Variants in ABCA10 observed in about 807,000 individuals in gnomAD.
The protein encoded by ABCA10 is ATP binding cassette subfamily A member 10.
Under a neutral mutation model 187.5 loss-of-function variants are expected in ABCA10, and 169 were observed. The ratio of observed to expected loss-of-function variants is 0.90; its 90% CI spans 0.80 to 1.02. ABCA10 has a LOEUF of 1.02. Ranked by LOEUF, ABCA10 falls within the 50% of genes least tolerant of loss-of-function variation. ABCA10 has a pLI of 0.00. For missense variants in ABCA10, 1,727 were observed against 1,812.4 expected, an observed-to-expected ratio of 0.95 and a Z score of 0.86; for synonymous variants, 574 against 601.8, an observed-to-expected ratio of 0.95 and a Z score of 0.68.
Position 69,227,165 on chromosome 17 carries a change from C to T in ABCA10, c.-192G>A, listed in dbSNP as rs2074801367. On this transcript the variant is annotated 5_prime_UTR_variant, in exon 2 of 39. Transcript: ENST00000690296. Reference sequence around the variant, plus strand: ...CATACCAATAAACTCTCTTTTTATTCTCCATTTTTTAAGAAAATTCTTGTA... The same window carrying T: ...CATACCAATAAACTCTCTTTTTATTTTCCATTTTTTAAGAAAATTCTTGTA... 7.0e-6 allele frequency: 1 copy of T among 142,068 alleles called. No homozygotes were observed. Among genetic ancestry groups the T allele is most frequent in the Admixed American group, 7.1e-5 (1 of 14,030 alleles). 8.8% of individuals were successfully genotyped at this position (142,068 alleles called of 1,614,324 possible). A position where few individuals can be genotyped will look rare whatever the true frequency, so the allele number is the denominator to read the frequency against.
chr17:69,174,689 A>T lies in ABCA10; in HGVS notation c.2966T>A (p.Phe989Tyr), dbSNP rs760203838. 1 of 1,611,972 alleles carries T rather than the reference A, an allele frequency of 6.2e-7. No homozygotes were observed. The highest frequency in any genetic ancestry group is 1.7e-5 in the Admixed American group (1 of 59,868). The stretch of plus-strand genomic sequence containing the variant: ...TAAATGTATTGAAAAGAGAATCAAG[A>T]AGTATAATGGAATGTCCACCAGAGC... ...GQALVDIPLY[F>Y]LILFSIHLIY... The change falls in exon 24 of 39, where the codon TTC (phenylalanine) becomes TAC (tyrosine). Residue 989 changes from phenylalanine to tyrosine, a missense_variant. Transcript: ENST00000690296.
rs1422744395 is a variant in ABCA10 at position 69,221,873 on chromosome 17, A to T, written c.222T>A (p.Gly74=). Residue 74 remains glycine (G), a synonymous_variant, in exon 5 of 39, where the codon GGT becomes GGA. Coordinates refer to ENST00000690296, the MANE Select transcript of ABCA10 (RefSeq NM_001377321.1). ...EYTEHCWAMH[G]EIFCYLAKYW... is the part of the protein sequence containing the mutation. ...ACTTTGCCAAGTAACAAAAAATTTC[A>T]CCATGCATGGCCCAACAGTGTTCTT... 2 of 1,612,936 alleles carry T rather than the reference A, an allele frequency of 1.2e-6. No individual in the cohort carries two copies. Among genetic ancestry groups the T allele is most frequent in the African/African-American group, 2.7e-5 (2 of 74,904 alleles).
In ABCA10 at chr17:69,185,593, A is replaced by G. The variant is rs1220440876; in HGVS notation, c.2381T>C (p.Met794Thr). The G allele has an allele frequency of 6.2e-7, 1 of 1,612,656 alleles. No homozygotes were observed. Among genetic ancestry groups the G allele is most frequent in the South Asian group, 1.1e-5 (1 of 90,934 alleles). The change falls in exon 20 of 39, where the codon ATG (methionine) becomes ACG (threonine). Residue 794 changes from methionine (M) to threonine (T), a missense_variant. By Grantham distance (81) the Met-to-Thr change is moderately conservative. Transcript: ENST00000690296. ...AFIPIILEKI[M>T]YKVTRETHCW... is the part of the protein sequence containing the mutation. ...ATGAGTTTCACGAGTTACTTTATAC[A>G]TTATCTTCTCTAGAATGATGGGGAT...
At chr17:69,238,350 C>A (rs2074884689) in intron 1 of ABCA10, among the ~76,000 whole-genome samples, 1 of 152,042 alleles carries the variant, frequency 6.6e-6, no homozygotes, top group African/African-American at 2.4e-5. Context: ...TATGTTACAG[C>A]AGCCCTAGAA....
Position 69,174,695 on chromosome 17 carries a change from A to C in ABCA10, c.2960T>G (p.Leu987Ter), listed in dbSNP as rs985482178. Reference protein sequence around the residue: ...WCGQALVDIPLYFLILFSIHL... With the variant: ...WCGQALVDIP ...TATTGAAAAGAGAATCAAGAAGTATAATGGAATGTCCACCAGAGCCTGTCC... is the reference window on the plus strand; with the variant it reads ...TATTGAAAAGAGAATCAAGAAGTATCATGGAATGTCCACCAGAGCCTGTCC... Residue 987 changes from leucine (L) to a stop codon, truncating the protein, a stop_gained, in exon 24 of 39, where the codon TTA (leucine) becomes TGA (stop). Coordinates refer to ENST00000690296, the MANE Select transcript of ABCA10 (RefSeq NM_001377321.1). LOFTEE classifies it high-confidence loss of function. 26 of 1,612,176 alleles carry C rather than the reference A, an allele frequency of 1.6e-5. No individual in the cohort carries two copies. The African/African-American group carries it at 3.2e-4, about 20-fold the overall frequency.
chr17:69,218,091 T>C (rs999843277), intron 6 of ABCA10, among the ~76,000 whole-genome samples: 4 of 152,158 alleles, frequency 2.6e-5, no homozygotes, highest in African/African-American at 9.7e-5. Context: ...ACTGTATACA[T>C]GTATCAAGAT....
At chr17:69,220,109 TA>T (rs1568073844) in intron 5 of ABCA10, among the ~76,000 whole-genome samples, 5 of 152,188 alleles carry the variant, frequency 3.3e-5, no homozygotes, top group Admixed American at 6.6e-5. Flanking sequence ...CATTGCATAA[TA>T]AATTGTTTAG....
chr17:69,222,599 A>G lies in ABCA10; in HGVS notation c.133T>C (p.Ser45Pro). 1 of 1,604,148 alleles carries G rather than the reference A, an allele frequency of 6.2e-7. No homozygotes were observed. Among genetic ancestry groups the G allele is most frequent in the East Asian group, 2.3e-5 (1 of 44,212 alleles). ...MVGVIFSDTFSYRLKFNWGYR... is the reference protein window; with the variant it reads ...MVGVIFSDTFPYRLKFNWGYR... ...CCCCAATTAAACTTCAGGCGATATG[A>G]GAAAGTATCACTAAATATAACTCCC... Residue 45 changes from serine to proline, a missense_variant, in exon 4 of 39, where the codon TCA (serine) becomes CCA (proline). Physicochemically the swap from Ser to Pro is moderately conservative, Grantham distance 74. Transcript: ENST00000690296.
At position 69,201,573 on chromosome 17, in the gene ABCA10, T is replaced by C. The variant is rs1229314699; in HGVS notation, c.1102A>G (p.Ile368Val). 2 of 1,612,848 alleles carry C rather than the reference T, an allele frequency of 1.2e-6. No individual in the cohort carries two copies. Among genetic ancestry groups the C allele is most frequent in the Non-Finnish European group, 1.7e-6 (2 of 1,179,700 alleles). The change falls in exon 10 of 39, where the codon ATA (isoleucine) becomes GTA (valine). Residue 368 changes from isoleucine (I) to valine (V), a missense_variant. Transcript: ENST00000690296. ...NTHHEIFENE[I>V]NPEHSSDDSF... is the part of the protein sequence containing the mutation. ...TCATCAGAGGAATGCTCAGGATTTA[T>C]TTCATTCTCAAAGATTTCATGATGA...
At chr17:69,232,950 A>G (rs1279491617), upstream of ABCA10, 1 of 152,066 alleles carries the variant, frequency 6.6e-6, no homozygotes, top group African/African-American at 2.4e-5. Flanking sequence ...GAGTTTCCTT[A>G]TATGCTATTT....
intron 25 of ABCA10, 46 bp from the exon 26 acceptor site, chr17:69,165,129 A>G (rs770148272): frequency 2.1e-6 from 3 of 1,400,684 alleles, no homozygotes; most frequent in Non-Finnish European, 3.0e-6. Flanking sequence ...GTTATATTTG[A>G]TATCTTAAGA....
Position 69,175,397 on chromosome 17 carries a change from C to G in ABCA10, c.2877+9G>C. ...AATCTCAATCTAATTTCCTCTCTCT[C>G]CCTCTTACTTTATAATCGCTGATGC... On this transcript the variant is annotated intron_variant, in intron 23 of 38. Coordinates refer to ENST00000690296, the MANE Select transcript of ABCA10 (RefSeq NM_001377321.1). 1 of 1,599,764 alleles carries G rather than the reference C, an allele frequency of 6.3e-7. No individual in the cohort carries two copies. Among genetic ancestry groups the G allele is most frequent in the Non-Finnish European group, 8.5e-7 (1 of 1,172,338 alleles).
chr17:69,188,993 G>GT (rs1195138514), intron 18 of ABCA10, among the ~76,000 whole-genome samples: 14 of 151,944 alleles, frequency 9.2e-5, no homozygotes, highest in Non-Finnish European at 1.5e-4. Flanking sequence ...TGCAATGAAC[G>GT]TATCTGTATA....
Position 69,153,330 on chromosome 17 carries a change from C to T in ABCA10, c.4111G>A (p.Asp1371Asn). ...VLLDEPFTGM[D>N]PEGQQQMWQI... ...CACATTTGCTGCTGCCCCTCGGGGT[C>T]CATCCCGGTGAACGGCTCATCTAGA... Residue 1371 changes from aspartate to asparagine, a missense_variant, in exon 34 of 39, where the codon GAC becomes AAC. Transcript: ENST00000690296. 1 of 1,613,032 alleles carries T rather than the reference C, an allele frequency of 6.2e-7. No individual in the cohort carries two copies. Among genetic ancestry groups the T allele is most frequent in the Non-Finnish European group, 8.5e-7 (1 of 1,179,494 alleles).
intron 25 of ABCA10, among the ~76,000 whole-genome samples, chr17:69,165,978 A>G (rs1211163076): frequency 6.6e-6 from 1 of 152,204 alleles, no homozygotes; most frequent in East Asian, 1.9e-4. Flanking sequence ...CTTACATACC[A>G]TACATGTTGC....
chr17:69,209,144 T>A (rs2074615636), intron 9 of ABCA10, among the ~76,000 whole-genome samples: 2 of 152,238 alleles, frequency 1.3e-5, no homozygotes. Flanking sequence ...GTTTGGGATT[T>A]CAAGTTCCAT....
At chr17:69,180,957 A>C (rs1230900256) in intron 22 of ABCA10, among the ~76,000 whole-genome samples, 1 of 152,130 alleles carries the variant, frequency 6.6e-6, no homozygotes, top group Non-Finnish European at 1.5e-5. Context: ...AGAATAACTA[A>C]ATTGCATCTG....
chr17:69,198,353 G>A (rs1413613486), intron 10 of ABCA10, among the ~76,000 whole-genome samples: 1 of 152,010 alleles, frequency 6.6e-6, no homozygotes, highest in Non-Finnish European at 1.5e-5. Context: ...ACATTTCACG[G>A]AACCCTCTTT....
chr17:69,203,540 A>G (rs952693582), intron 9 of ABCA10, among the ~76,000 whole-genome samples: 4 of 152,150 alleles, frequency 2.6e-5, no homozygotes, highest in African/African-American at 9.7e-5. Flanking sequence ...CTATTTCCTA[A>G]GAACCTCGTG....
Sources: allele counts gnomAD v4.1 joint callset (sites outside exome capture counted in the v4.1 genomes callset), GRCh38; gene constraint gnomAD v4.1.1; transcripts MANE v1.5; gene names NCBI Gene and HGNC (gene_info 2026-07-23, HGNC 2026-07-21).